Variants in ALPK2 observed in about 807,000 individuals in gnomAD.
The protein encoded by ALPK2 is alpha-protein kinase 2.
Under a neutral mutation model 163.1 loss-of-function variants are expected in ALPK2, and 127 were observed. The observed-to-expected ratio is 0.78, with a 90% CI of 0.67 to 0.90. The LOEUF (loss-of-function observed/expected upper bound fraction) is 0.90. Ranked by LOEUF, ALPK2 falls within the 40% of genes least tolerant of loss-of-function variation. The pLI is 0.00. For missense variants in ALPK2, 2,360 were observed against 2,589.6 expected, an observed-to-expected ratio of 0.91 and a Z score of 1.92; for synonymous variants, 953 against 959.1, an observed-to-expected ratio of 0.99 and a Z score of 0.12.
chr18:58,573,909 C>A (rs1221595744), intron 4 of ALPK2, among the ~76,000 whole-genome samples: 1 of 151,862 alleles, frequency 6.6e-6, no homozygotes, highest in Non-Finnish European at 1.5e-5. Flanking sequence ...ACAAGGTGGG[C>A]AAAGGAATTC....
chr18:58,517,279 A>C lies in ALPK2; in HGVS notation c.5666-97T>G, dbSNP rs961918624. On this transcript the variant is annotated intron_variant, in intron 8 of 12. Coordinates refer to ENST00000361673, the MANE Select transcript of ALPK2 (RefSeq NM_052947.4). ...AGGGTCCCCACATAAGGACAATGACAAGGCTGACCTGCAGAACCAAGAGGG... is the reference window on the plus strand; with the variant it reads ...AGGGTCCCCACATAAGGACAATGACCAGGCTGACCTGCAGAACCAAGAGGG... 6.1e-6 allele frequency: 8 copies of C among 1,310,410 alleles called. No individual in the cohort carries two copies. The African/African-American group carries it at 1.2e-4, about 19-fold the overall frequency. The allele number at this position is 1,310,410 out of a possible 1,614,324, so 81.2% of individuals were successfully genotyped here.
chr18:58,487,634 T>A (rs1035184406), intron 12 of ALPK2, among the ~76,000 whole-genome samples: 2 of 152,232 alleles, frequency 1.3e-5, no homozygotes, highest in Non-Finnish European at 2.9e-5. Context: ...GTCCTTAACC[T>A]CTAATTAGTA....
At chr18:58,606,561 A>G (rs1164670895) in intron 3 of ALPK2, among the ~76,000 whole-genome samples, 1 of 152,224 alleles carries the variant, frequency 6.6e-6, no homozygotes, top group Non-Finnish European at 1.5e-5. Context: ...ATACAGCAAG[A>G]AAATGGTAGA....
intron 1 of ALPK2, among the ~76,000 whole-genome samples, chr18:58,622,352 A>C (rs953376840): frequency 6.6e-6 from 1 of 152,176 alleles, no homozygotes; most frequent in African/African-American, 2.4e-5. Flanking sequence ...GTCTCAAAAA[A>C]ATAATTAAAT....
rs1049182102 is a variant in ALPK2 at position 58,516,969 on chromosome 18, A to G, written c.5879T>C (p.Ile1960Thr). 6.2e-7 allele frequency: 1 copy of G among 1,614,032 alleles called. No individual in the cohort carries two copies. The highest frequency in any genetic ancestry group is 1.7e-5 in the Admixed American group (1 of 60,000). ...HACVLKVHNAIAYGTRNNDEL... is the reference protein window; with the variant it reads ...HACVLKVHNATAYGTRNNDEL... ...ATCATTATTTCTGGTCCCATAGGCA[A>G]TGGCATTGTGCACCTTAAGCACACA... is the stretch of plus-strand genomic sequence containing the variant. The change falls in exon 9 of 13, where the codon ATT becomes ACT. Residue 1960 changes from isoleucine (I) to threonine (T), a missense_variant. Physicochemically the swap from Ile to Thr is moderately conservative, Grantham distance 89. Coordinates refer to ENST00000361673, the MANE Select transcript of ALPK2 (RefSeq NM_052947.4).
chr18:58,574,996 C>G (rs942208790), intron 4 of ALPK2, among the ~76,000 whole-genome samples: 1 of 151,994 alleles, frequency 6.6e-6, no homozygotes, highest in African/African-American at 2.4e-5. Flanking sequence ...GGTGGATCAC[C>G]TGAGGTCGGG....
intron 3 of ALPK2, among the ~76,000 whole-genome samples, chr18:58,590,499 ATCAC>A: frequency 6.6e-6 from 1 of 152,300 alleles, no homozygotes; most frequent in Middle Eastern, 3.4e-3. Context: ...TCAATAAATA[ATCAC>A]ATGATGACAT....
chr18:58,514,191 T>C (rs779267086), intron 10 of ALPK2, among the ~76,000 whole-genome samples: 1 of 152,190 alleles, frequency 6.6e-6, no homozygotes, highest in Non-Finnish European at 1.5e-5. Flanking sequence ...GAGCAGAAAG[T>C]GTTATACTTT....
chr18:58,625,840 G>A (rs1341807996), intron 1 of ALPK2, among the ~76,000 whole-genome samples: 1 of 152,244 alleles, frequency 6.6e-6, no homozygotes, highest in Non-Finnish European at 1.5e-5. Flanking sequence ...CTTGCTGCCT[G>A]TCTCTTCGAG....
intron 9 of ALPK2, among the ~76,000 whole-genome samples, chr18:58,516,205 G>A (rs372153217): frequency 6.6e-6 from 1 of 150,510 alleles, no homozygotes. Context: ...GGGGGAAAGA[G>A]TGAGACACTG....
At chr18:58,556,888 A>C (rs780652647) in intron 4 of ALPK2, among the ~76,000 whole-genome samples, 1 of 152,180 alleles carries the variant, frequency 6.6e-6, no homozygotes, top group Non-Finnish European at 1.5e-5. Flanking sequence ...TAGACTTTGC[A>C]TGATGAAAGC....
chr18:58,597,314 T>A (rs1750586304), intron 3 of ALPK2, among the ~76,000 whole-genome samples: 1 of 152,002 alleles, frequency 6.6e-6, no homozygotes, highest in Non-Finnish European at 1.5e-5. Flanking sequence ...AAACAAAGAA[T>A]GGCTGTGTCT....
chr18:58,497,306 G>A (rs1316705700), intron 12 of ALPK2, among the ~76,000 whole-genome samples: 8 of 152,228 alleles, frequency 5.3e-5, no homozygotes, highest in African/African-American at 1.9e-4. Context: ...GTCTTAGTAC[G>A]TAGGAAGAGC....
At chr18:58,607,503 C>T (rs1202152212) in intron 2 of ALPK2, 64 bp from the exon 3 acceptor site, 4 of 1,017,398 alleles carry the variant, frequency 3.9e-6, no homozygotes, top group Admixed American at 5.4e-5. Flanking sequence ...AAAAAAAAAC[C>T]CATAAAGCTA....
chr18:58,542,360 C>T (rs1300846360), intron 4 of ALPK2, among the ~76,000 whole-genome samples: 1 of 152,214 alleles, frequency 6.6e-6, no homozygotes, highest in African/African-American at 2.4e-5. Context: ...ACAGCAGTAG[C>T]TCAGGAAAAG....
rs528192299 is a variant in ALPK2, at chr18:58,612,332, A to G, written c.-20-515T>C. ...GCATATGTCTTTGCCTCCAAAAAAC[A>G]TGTCAGTTGTGTTGAAATGATGTCC... On this transcript the variant is annotated intron_variant, in intron 1 of 12. Coordinates refer to ENST00000361673, the MANE Select transcript of ALPK2 (RefSeq NM_052947.4). 9.0e-4 allele frequency among the ~76,000 whole-genome samples: 137 copies of G among 152,298 alleles called. 1 individual carries two copies. Among genetic ancestry groups the G allele is most frequent in the African/African-American group, 3.1e-3 (128 of 41,560 alleles).
chr18:58,549,052 T>C (rs988387092), intron 4 of ALPK2, among the ~76,000 whole-genome samples: 1 of 152,224 alleles, frequency 6.6e-6, no homozygotes, highest in Admixed American at 6.5e-5. Flanking sequence ...TCATCACTAA[T>C]AGTTTGGTGC....
At chr18:58,606,196 G>A (rs1216107758) in intron 3 of ALPK2, among the ~76,000 whole-genome samples, 1 of 152,050 alleles carries the variant, frequency 6.6e-6, no homozygotes, top group Non-Finnish European at 1.5e-5. Context: ...CTTCCACCCT[G>A]GCCTCTCAAG....
Position 58,578,999 on chromosome 18 carries a change from G to C in ALPK2, c.1777C>G (p.Arg593Gly). 1 of 1,614,202 alleles carries C rather than the reference G, an allele frequency of 6.2e-7. No individual in the cohort carries two copies. The highest frequency in any genetic ancestry group is 1.7e-5 in the Admixed American group (1 of 60,030). ...TCTCTTGCATCAGCATGGGAACTCCGACCAGTCGCTGCTGCTGTGGTGTGA... is the reference window on the plus strand; with the variant it reads ...TCTCTTGCATCAGCATGGGAACTCCCACCAGTCGCTGCTGCTGTGGTGTGA... ...TSHTTAAATG[R>G]SSHADARECA... Residue 593 changes from arginine (R) to glycine (G), a missense_variant, in exon 4 of 13, where the codon CGG becomes GGG. By Grantham distance (125) the Arg-to-Gly change is moderately radical. Coordinates refer to ENST00000361673, the MANE Select transcript of ALPK2 (RefSeq NM_052947.4).
Sources: gnomAD v4.1 joint callset for allele counts (sites outside exome capture counted in the v4.1 genomes callset) on GRCh38, gnomAD v4.1.1 for gene constraint, MANE v1.5 for transcripts, NCBI Gene and HGNC (gene_info 2026-07-23, HGNC 2026-07-21) for gene names.